The following RHBDF2 variants were observed in gnomAD, a reference collection of about 807,000 sequenced individuals.
The protein encoded by RHBDF2 is inactive rhomboid protein 2.
In RHBDF2, 38 loss-of-function variants were observed where a neutral mutation model predicts 95.2. The observed-to-expected ratio is 0.40, with a 90% CI of 0.31 to 0.52. The LOEUF (loss-of-function observed/expected upper bound fraction) is 0.52. RHBDF2 is among the 20% of genes least tolerant of loss of function. The pLI is 0.56. For missense variants in RHBDF2, 863 were observed against 1,137.7 expected, an observed-to-expected ratio of 0.76 and a Z score of 3.47; for synonymous variants, 442 against 462.0, an observed-to-expected ratio of 0.96 and a Z score of 0.55.
intron 2 of RHBDF2, among the ~76,000 whole-genome samples, chr17:76,486,235 G>A (rs1014856455): frequency 3.3e-5 from 5 of 152,062 alleles, no homozygotes; most frequent in Admixed American, 1.3e-4. Flanking sequence ...TCAGTCTCCC[G>A]AGTAGCTGGG....
chr17:76,498,789 AGTGT>A (rs60130089), intron 1 of RHBDF2, among the ~76,000 whole-genome samples: 6,284 of 143,718 alleles, frequency 0.044, 243 homozygotes, highest in African/African-American at 0.11. Flanking sequence ...AGAGAAAGAG[AGTGT>A]GTGTGTGTGT....
rs769934518 is a variant in RHBDF2 at position 76,474,812 on chromosome 17, G to A, written c.1228-8C>T. 22 of 1,612,992 alleles carry A rather than the reference G, an allele frequency of 1.4e-5. No individual in the cohort carries two copies. Among genetic ancestry groups the A allele is most frequent in the Non-Finnish European group, 1.8e-5 (21 of 1,179,224 alleles). Reference sequence around the variant, plus strand: ...ACCTTTGTTCCGCAGCACCTATCGTGGAGGTAGCACAGAGGAGGGCGTCAG... The same window carrying A: ...ACCTTTGTTCCGCAGCACCTATCGTAGAGGTAGCACAGAGGAGGGCGTCAG... On this transcript the variant is annotated splice_polypyrimidine_tract_variant and splice_region_variant and intron_variant, in intron 10 of 18. Coordinates refer to ENST00000675367, the MANE Select transcript of RHBDF2 (RefSeq NM_001005498.4).
At chr17:76,499,815 G>T (rs548984396) in intron 1 of RHBDF2, among the ~76,000 whole-genome samples, 3 of 152,146 alleles carry the variant, frequency 2.0e-5, no homozygotes, top group Admixed American at 6.5e-5. Flanking sequence ...CCAGCCCAGG[G>T]ATATTTGAGC....
rs1269095937 is a variant in RHBDF2 at position 76,471,644 on chromosome 17, C to A, written c.2473G>T (p.Val825Leu). The A allele has an allele frequency of 6.2e-7, 1 of 1,601,252 alleles. No homozygotes were observed. The highest frequency in any genetic ancestry group is 8.5e-7 in the Non-Finnish European group (1 of 1,173,904). The part of the protein sequence containing the change: ...RFCEKYELDQ[V>L]LH ...GTGTGGCCCAGCGGTCAGTGCAGCA[C>A]CTGGTCCAGCTCATACTTCTCGCAG... Residue 825 changes from valine to leucine, a missense_variant, in exon 19 of 19, where the codon GTG becomes TTG. Physicochemically the swap from Val to Leu is conservative, Grantham distance 32. This residue lies in a region of RHBDF2 where 252 missense variants were observed against 412.2 expected (regional missense o/e 0.61). Coordinates refer to ENST00000675367, the MANE Select transcript of RHBDF2 (RefSeq NM_001005498.4).
chr17:76,485,760 C>T (rs2074109501), intron 2 of RHBDF2, among the ~76,000 whole-genome samples: 1 of 152,152 alleles, frequency 6.6e-6, no homozygotes, highest in African/African-American at 2.4e-5. Flanking sequence ...GTGGTTGAGC[C>T]ACACAATGGA....
intron 2 of RHBDF2, among the ~76,000 whole-genome samples, chr17:76,487,151 G>A (rs1381819266): frequency 6.6e-6 from 1 of 151,578 alleles, no homozygotes; most frequent in African/African-American, 2.4e-5. Context: ...TAGAGACTGG[G>A]TTTCTCCATG....
At chr17:76,474,197 G>C in intron 12 of RHBDF2, 55 bp from the exon 13 acceptor site, 1 of 1,379,046 alleles carries the variant, frequency 7.3e-7, no homozygotes, top group Non-Finnish European at 1.0e-6. Context: ...ACCCCCACTG[G>C]AGTGGGCAAG....
In RHBDF2 at chr17:76,493,775, T is replaced by C. The variant is rs145588520; in HGVS notation, c.-219-5866A>G. On this transcript the variant is annotated intron_variant, in intron 1 of 18. Coordinates refer to ENST00000675367, the MANE Select transcript of RHBDF2 (RefSeq NM_001005498.4). ...GCCGGTACACGCTTCAGCCCACAGC[T>C]GCTGATGGAGAGAAACAAAACGGCC... 3.3e-3 allele frequency among the ~76,000 whole-genome samples: 508 copies of C among 152,322 alleles called. 2 individuals carry two copies. The highest frequency in any genetic ancestry group is 0.011 in the African/African-American group (470 of 41,568).
rs751691524 is a variant in RHBDF2, at chr17:76,479,877, C to T, written c.151-23G>A. 3.7e-6 allele frequency: 6 copies of T among 1,610,894 alleles called. No homozygotes were observed. The highest frequency in any genetic ancestry group is 5.1e-6 in the Non-Finnish European group (6 of 1,178,958). On this transcript the variant is annotated intron_variant, in intron 3 of 18. Transcript: ENST00000675367. ...CCTCTTGGGGAGGAAGGAGGGAGGG[C>T]AGGCGGTGGTGTGTGCAGCCCAGGT...
chr17:76,499,558 G>A (rs2074524746), intron 1 of RHBDF2, among the ~76,000 whole-genome samples: 1 of 152,166 alleles, frequency 6.6e-6, no homozygotes, highest in South Asian at 2.1e-4. Flanking sequence ...CCACTCCAGG[G>A]CTCGTCAGCT....
At chr17:76,498,695 C>T (rs1257599698) in intron 1 of RHBDF2, among the ~76,000 whole-genome samples, 1 of 152,186 alleles carries the variant, frequency 6.6e-6, no homozygotes, top group African/African-American at 2.4e-5. Context: ...GAGCAGGACT[C>T]GGGCCCCAAG....
intron 1 of RHBDF2, among the ~76,000 whole-genome samples, chr17:76,492,490 C>A (rs1187299283): frequency 1.3e-5 from 2 of 152,198 alleles, no homozygotes; most frequent in African/African-American, 4.8e-5. Context: ...GCAAGGCCAC[C>A]CCCAGGGAGG....
At chr17:76,490,104 T>A (rs1051302205) in intron 1 of RHBDF2, among the ~76,000 whole-genome samples, 2 of 152,218 alleles carry the variant, frequency 1.3e-5, no homozygotes, top group African/African-American at 4.8e-5. Flanking sequence ...ACGCTCCCCA[T>A]TGATTCCACT....
intron 6 of RHBDF2, 85 bp downstream of exon 6, chr17:76,478,721 G>T: frequency 8.6e-7 from 1 of 1,164,928 alleles, no homozygotes; most frequent in African/African-American, 1.5e-5. Flanking sequence ...TGAGCTTTAG[G>T]GGATGCTACT....
intron 7 of RHBDF2, 129 bp downstream of exon 7, chr17:76,477,528 C>G (rs2073813093): frequency 3.3e-6 from 4 of 1,195,510 alleles, no homozygotes; most frequent in Non-Finnish European, 4.8e-6. Flanking sequence ...CCACATAGGA[C>G]CATGCCACAT....
At chr17:76,488,651 T>C (rs1567887640) in intron 1 of RHBDF2, among the ~76,000 whole-genome samples, 2 of 151,434 alleles carry the variant, frequency 1.3e-5, no homozygotes, top group African/African-American at 2.4e-5. Flanking sequence ...CTACTAAGAA[T>C]ACAAAAATTA....
intron 2 of RHBDF2, among the ~76,000 whole-genome samples, chr17:76,483,985 G>A (rs1277612818): frequency 6.6e-6 from 1 of 152,076 alleles, no homozygotes; most frequent in African/African-American, 2.4e-5. Flanking sequence ...GCTGTGGCCG[G>A]GCGCGGTGGC....
Position 76,479,772 on chromosome 17 carries a change from C to T in RHBDF2, c.233G>A (p.Gly78Asp). The change falls in exon 4 of 19, where the codon GGC (glycine) becomes GAC (aspartate). Residue 78 changes from glycine to aspartate, a missense_variant. By Grantham distance (94) the Gly-to-Asp change is moderately conservative. Coordinates refer to ENST00000675367, the MANE Select transcript of RHBDF2 (RefSeq NM_001005498.4). ...RWQESSEKRP[G>D]FRRQASLSQS... is the part of the protein sequence containing the mutation. ...GGACAGTGAGGCCTGGCGGCGGAAG[C>T]CAGGGCGCTTCTCTGAACTCTCCTG... 6.2e-7 allele frequency: 1 copy of T among 1,612,744 alleles called. No homozygotes were observed. The highest frequency in any genetic ancestry group is 8.5e-7 in the Non-Finnish European group (1 of 1,179,866).
At chr17:76,496,066 G>A (rs986153620) in intron 1 of RHBDF2, among the ~76,000 whole-genome samples, 1 of 152,162 alleles carries the variant, frequency 6.6e-6, no homozygotes, top group Non-Finnish European at 1.5e-5. Flanking sequence ...AAACCTGCCT[G>A]GGCCACCTAC....
Sources: allele counts gnomAD v4.1 joint callset (sites outside exome capture counted in the v4.1 genomes callset), GRCh38; gene constraint gnomAD v4.1.1; regional missense constraint gnomAD v4.1.1; transcripts MANE v1.5; gene names NCBI Gene and HGNC (gene_info 2026-07-23, HGNC 2026-07-21).